The following ROBO1 variants were observed in gnomAD, a reference collection of about 807,000 sequenced individuals.
ROBO1 encodes roundabout guidance receptor 1.
In ROBO1, 149 loss-of-function variants were observed where a neutral mutation model predicts 195.9. The observed-to-expected ratio is 0.76, with a 90% confidence interval of 0.67 to 0.87. The LOEUF (loss-of-function observed/expected upper bound fraction) is 0.87, where lower values mean the gene tolerates loss of function less well. ROBO1 is among the 40% of genes least tolerant of loss of function. The pLI is 0.00. For missense variants in ROBO1, 1,933 were observed against 2,068.3 expected (o/e 0.93, Z 1.27); for synonymous variants, 816 against 733.2 (o/e 1.11, Z -1.82).
intron 4 of ROBO1, among the ~76,000 whole-genome samples, chr3:78,869,424 T>C (rs572611558): frequency 2.0e-5 from 3 of 152,314 alleles, no homozygotes; most frequent in Non-Finnish European, 2.9e-5. Flanking sequence ...GGAGTAACTT[T>C]AGTGTATAGC....
intron 3 of ROBO1, among the ~76,000 whole-genome samples, chr3:78,954,675 C>T (rs1161836195): frequency 6.6e-6 from 1 of 151,838 alleles, no homozygotes; most frequent in Non-Finnish European, 1.5e-5. Context: ...CTTCAGTTTT[C>T]TTTATATTAG....
intron 4 of ROBO1, among the ~76,000 whole-genome samples, chr3:78,764,653 A>AT (rs1559830526): frequency 6.6e-6 from 1 of 152,188 alleles, no homozygotes; most frequent in Non-Finnish European, 1.5e-5. Context: ...TGTATCAAGC[A>AT]TTAACCACAT....
At position 79,213,246 on chromosome 3, in the gene ROBO1, G is replaced by GA. The variant is rs111700443; in HGVS notation, c.89-87708dup. ...TATGACAGAGAGAGACTCCGTCTTGGAAAAAAAAAAAAATCTATGACAGCT... is the reference window on the plus strand; with the variant it reads ...TATGACAGAGAGAGACTCCGTCTTGGAAAAAAAAAAAAAATCTATGACAGCT... On this transcript the variant is annotated intron_variant, in intron 2 of 30. Transcript: ENST00000464233. Among the ~76,000 whole-genome samples, 185 of 142,198 alleles carry GA rather than the reference G, an allele frequency of 1.3e-3. 1 individual carries two copies. Among genetic ancestry groups the GA allele is most frequent in the African/African-American group, 2.2e-3 (87 of 38,890 alleles). 93.3% of individuals were successfully genotyped at this position (142,198 alleles called of 152,430 possible).
At chr3:79,063,016 C>T (rs183060592) in intron 3 of ROBO1, among the ~76,000 whole-genome samples, 99 of 151,886 alleles carry the variant, frequency 6.5e-4, no homozygotes, top group African/African-American at 1.9e-3. Flanking sequence ...AATGACCTTC[C>T]GTTGTCCTCT....
intron 3 of ROBO1, among the ~76,000 whole-genome samples, chr3:79,096,128 T>C (rs919025220): frequency 2.0e-5 from 3 of 152,016 alleles, no homozygotes; most frequent in African/African-American, 7.2e-5. Flanking sequence ...CATTTTATAT[T>C]TGGATAAATA....
intron 2 of ROBO1, among the ~76,000 whole-genome samples, chr3:79,166,253 C>T (rs764332964): frequency 3.3e-5 from 5 of 152,150 alleles, no homozygotes; most frequent in Non-Finnish European, 5.9e-5. Context: ...AGCCAATTCA[C>T]TTCTGTTAGA....
chr3:79,502,296 T>A (rs966353826), intron 2 of ROBO1, among the ~76,000 whole-genome samples: 2 of 152,040 alleles, frequency 1.3e-5, no homozygotes, highest in African/African-American at 4.8e-5. Context: ...GCGCGGCGCT[T>A]GCGGGCCAGC....
intron 2 of ROBO1, among the ~76,000 whole-genome samples, chr3:79,363,662 A>C (rs1053324081): frequency 1.3e-5 from 2 of 152,202 alleles, no homozygotes; most frequent in Admixed American, 6.5e-5. Flanking sequence ...ATATGTACCC[A>C]CAGGCATTCA....
chr3:78,985,916 T>C (rs957571457), intron 3 of ROBO1, among the ~76,000 whole-genome samples: 1 of 152,108 alleles, frequency 6.6e-6, no homozygotes, highest in Non-Finnish European at 1.5e-5. Flanking sequence ...TCAAGTTATG[T>C]GGATGATGAA....
chr3:79,252,031 A>G (rs2082739366), intron 2 of ROBO1, among the ~76,000 whole-genome samples: 1 of 152,044 alleles, frequency 6.6e-6, no homozygotes, highest in Non-Finnish European at 1.5e-5. Context: ...AGAAAAAAAA[A>G]AAAGAACAAC....
chr3:79,173,576 G>T (rs2081206536), intron 2 of ROBO1, among the ~76,000 whole-genome samples: 2 of 152,076 alleles, frequency 1.3e-5, no homozygotes, highest in African/African-American at 4.8e-5. Context: ...CAGGGCTGGG[G>T]ACCTGCAGCC....
At chr3:79,223,561 C>T (rs192999126) in intron 2 of ROBO1, among the ~76,000 whole-genome samples, 7 of 152,184 alleles carry the variant, frequency 4.6e-5, no homozygotes, top group South Asian at 2.1e-4. Flanking sequence ...GAAATGTATA[C>T]GAAAAAGCAC....
intron 4 of ROBO1, among the ~76,000 whole-genome samples, chr3:78,859,531 A>C (rs149302608): frequency 6.6e-6 from 1 of 152,196 alleles, no homozygotes; most frequent in Non-Finnish European, 1.5e-5. Flanking sequence ...AATATCTAGA[A>C]TAGGACCAAG....
intron 3 of ROBO1, among the ~76,000 whole-genome samples, chr3:79,100,839 A>G (rs1376128899): frequency 1.3e-5 from 2 of 151,808 alleles, no homozygotes; most frequent in Non-Finnish European, 2.9e-5. Flanking sequence ...CTTAATTAAC[A>G]GATGGGTCCC....
intron 2 of ROBO1, among the ~76,000 whole-genome samples, chr3:79,141,430 T>C (rs1490733286): frequency 6.6e-6 from 1 of 152,170 alleles, no homozygotes; most frequent in Non-Finnish European, 1.5e-5. Flanking sequence ...ATTTTATTCC[T>C]TCAGGTTTTT....
At chr3:79,480,892 C>T (rs1171082063) in intron 2 of ROBO1, among the ~76,000 whole-genome samples, 1 of 152,106 alleles carries the variant, frequency 6.6e-6, no homozygotes, top group Non-Finnish European at 1.5e-5. Flanking sequence ...ATAGGCTATA[C>T]ACATGCTATT....
At chr3:78,904,696 G>A (rs9877736) in intron 4 of ROBO1, among the ~76,000 whole-genome samples, 2 of 138,290 alleles carry the variant, frequency 1.4e-5, no homozygotes, top group African/African-American at 6.5e-5. Context: ...GTATACATAT[G>A]TATATATGTA....
At chr3:78,743,375 C>A (rs2082578618) in intron 5 of ROBO1, among the ~76,000 whole-genome samples, 1 of 152,058 alleles carries the variant, frequency 6.6e-6, no homozygotes. Context: ...GTCACCGACA[C>A]CTCCTTCAAA....
chr3:79,119,233 C>T (rs934713065), intron 3 of ROBO1, among the ~76,000 whole-genome samples: 5 of 152,178 alleles, frequency 3.3e-5, no homozygotes, highest in African/African-American at 4.8e-5. Flanking sequence ...CTGTTCTTCA[C>T]AGACTCCAAT....
Sources: gnomAD v4.1 joint callset for allele counts (sites outside exome capture counted in the v4.1 genomes callset) on GRCh38, gnomAD v4.1.1 for gene constraint, MANE v1.5 for transcripts, NCBI Gene and HGNC (gene_info 2026-07-23, HGNC 2026-07-21) for gene names.